Variants in RNF216 observed in about 807,000 individuals in gnomAD.
RNF216 encodes ring finger protein 216.
A neutral mutation model predicts 110.8 loss-of-function variants in RNF216; 72 were observed. The ratio of observed to expected loss-of-function variants is 0.65; its 90% CI spans 0.54 to 0.79. The LOEUF (loss-of-function observed/expected upper bound fraction) is 0.79, where lower values mean the gene tolerates loss of function less well. RNF216 is among the 30% of genes least tolerant of loss of function. RNF216 has a pLI of 0.00. For synonymous variants in RNF216, 495 were observed against 407.5 expected (o/e 1.21, Z -2.59); for missense variants, 1,342 against 1,141.2 (o/e 1.18, Z -2.54).
intron 14 of RNF216, among the ~76,000 whole-genome samples, chr7:5,648,120 T>TC (rs1788160665): frequency 6.6e-6 from 1 of 151,812 alleles, no homozygotes; most frequent in South Asian, 2.1e-4. Flanking sequence ...TTTTTTTTTT[T>TC]CTTGAGATGG....
chr7:5,628,675 CCAT>C (rs1441148697), intron 15 of RNF216, among the ~76,000 whole-genome samples: 59 of 146,636 alleles, frequency 4.0e-4, no homozygotes, highest in African/African-American at 1.4e-3. Context: ...GCGCCCACCA[CCAT>C]ATCTGACTTT....
Position 5,716,698 on chromosome 7 carries a change from G to A in RNF216, c.1695+18C>T. The A allele has an allele frequency of 1.3e-6, 2 of 1,571,604 alleles. No individual in the cohort carries two copies. The highest frequency in any genetic ancestry group is 2.7e-5 in the African/African-American group (2 of 73,736). On this transcript the variant is annotated intron_variant, in intron 10 of 16. Transcript: ENST00000389902. Reference sequence around the variant, plus strand: ...CCATGAAAATGCCCAGAATAAACAAGGTGAGATTTCAAACTACCTTTTGAT... The same window carrying A: ...CCATGAAAATGCCCAGAATAAACAAAGTGAGATTTCAAACTACCTTTTGAT...
chr7:5,732,487 A>G (rs1031181801), intron 5 of RNF216, among the ~76,000 whole-genome samples: 1 of 152,236 alleles, frequency 6.6e-6, no homozygotes, highest in African/African-American at 2.4e-5. Flanking sequence ...ATCTCTCCCC[A>G]ATTCATTTTA....
At chr7:5,719,553 G>C (rs1793283187) in intron 9 of RNF216, among the ~76,000 whole-genome samples, 1 of 152,004 alleles carries the variant, frequency 6.6e-6, no homozygotes, top group South Asian at 2.1e-4. Flanking sequence ...GTCAGAGATG[G>C]GACAATGTGA....
At chr7:5,623,592 C>T (rs536160895) in intron 16 of RNF216, among the ~76,000 whole-genome samples, 60 of 152,066 alleles carry the variant, frequency 3.9e-4, no homozygotes, top group Admixed American at 1.6e-3. Context: ...AGCCACTGCA[C>T]TTAGCCTCTT....
intron 1 of RNF216, among the ~76,000 whole-genome samples, chr7:5,773,923 G>C (rs1796637296): frequency 6.6e-6 from 1 of 152,112 alleles, no homozygotes. Context: ...ATTTTACACT[G>C]AAAATCAAAG....
rs183023556 is a variant in RNF216 at position 5,769,755 on chromosome 7, G to A, written c.-69-8617C>T. On this transcript the variant is annotated intron_variant, in intron 1 of 16. Transcript: ENST00000389902. ...AAAAAAAGAAAAAAGACTGAAAATC[G>A]GCCAGGCGTGGTGACTCACGCCTAT... Among the ~76,000 whole-genome samples the A allele has an allele frequency of 8.6e-5, 13 of 151,508 alleles. No individual in the cohort carries two copies. The East Asian group carries it at 2.3e-3, about 27-fold the overall frequency.
intron 15 of RNF216, among the ~76,000 whole-genome samples, chr7:5,635,084 A>C (rs1787316466): frequency 6.6e-6 from 1 of 152,012 alleles, no homozygotes; most frequent in Non-Finnish European, 1.5e-5. Context: ...TGGTCTCACC[A>C]AGCTAGGGAT....
chr7:5,733,161 T>C (rs1045018716), intron 5 of RNF216: 1 of 152,216 alleles, frequency 6.6e-6, no homozygotes, highest in Admixed American at 6.5e-5. Context: ...GTTAACACTG[T>C]CCTAGGAGTC....
intron 13 of RNF216, among the ~76,000 whole-genome samples, chr7:5,667,044 G>C (rs796297566): frequency 1.3e-5 from 2 of 152,096 alleles, no homozygotes; most frequent in Non-Finnish European, 1.5e-5. Context: ...TGGGCTCAAA[G>C]GATGCACCCG....
intron 11 of RNF216, 122 bp downstream of exon 11, chr7:5,714,931 T>A: frequency 2.4e-6 from 2 of 831,332 alleles, no homozygotes; most frequent in Non-Finnish European, 3.7e-6. Context: ...AATGTACACA[T>A]AAGCATACCA....
At chr7:5,681,819 G>T (rs573282122) in intron 13 of RNF216, among the ~76,000 whole-genome samples, 1 of 152,298 alleles carries the variant, frequency 6.6e-6, no homozygotes, top group East Asian at 1.9e-4. Flanking sequence ...ACATAAACGG[G>T]AAACACCCAG....
intron 8 of RNF216, among the ~76,000 whole-genome samples, chr7:5,721,560 C>G (rs3757479): frequency 0.47 from 71,268 of 152,042 alleles, 17,311 homozygotes; most frequent in Admixed American, 0.53. Flanking sequence ...AATTTACCTG[C>G]GAATTGCTAG....
At chr7:5,746,130 C>T (rs1482086017) in intron 3 of RNF216, among the ~76,000 whole-genome samples, 2 of 152,164 alleles carry the variant, frequency 1.3e-5, no homozygotes, top group African/African-American at 4.8e-5. Flanking sequence ...ACGTTTTCCT[C>T]ATGGAGCTGC....
intron 1 of RNF216, among the ~76,000 whole-genome samples, chr7:5,766,219 G>A (rs966619987): frequency 6.6e-6 from 1 of 152,128 alleles, no homozygotes; most frequent in Non-Finnish European, 1.5e-5. Context: ...GAACCCAGGA[G>A]TTTGATGTTG....
chr7:5,655,151 C>G (rs897155853), intron 13 of RNF216, among the ~76,000 whole-genome samples: 5 of 152,200 alleles, frequency 3.3e-5, no homozygotes, highest in Non-Finnish European at 7.3e-5. Flanking sequence ...AGGCACAGGC[C>G]CACCAGGGCA....
At chr7:5,686,413 G>A (rs1244567917) in intron 13 of RNF216, among the ~76,000 whole-genome samples, 1 of 152,070 alleles carries the variant, frequency 6.6e-6, no homozygotes, top group African/African-American at 2.4e-5. Flanking sequence ...CCATTTCTCT[G>A]ATGAGGAAAG....
At chr7:5,753,279 T>G (rs1226467933) in intron 2 of RNF216, among the ~76,000 whole-genome samples, 1 of 152,224 alleles carries the variant, frequency 6.6e-6, no homozygotes, top group African/African-American at 2.4e-5. Flanking sequence ...TGCCAATTTC[T>G]TTAAAGTGAA....
At position 5,759,355 on chromosome 7, in the gene RNF216, C is replaced by T. The variant is rs191097961; in HGVS notation, c.67+1648G>A. Among the ~76,000 whole-genome samples, 427 of 152,312 alleles carry T rather than the reference C, an allele frequency of 2.8e-3. 1 individual carries two copies. The highest frequency in any genetic ancestry group is 4.8e-3 in the Non-Finnish European group (327 of 68,026). On this transcript the variant is annotated intron_variant, in intron 2 of 16. Coordinates refer to ENST00000389902, the MANE Select transcript of RNF216 (RefSeq NM_207111.4). ...CGAACTAATACAATGACCAACCCCT[C>T]TTCTTCCTCCTCCTCTTCAGCCTAC... is the stretch of plus-strand genomic sequence containing the variant.
Sources: allele counts gnomAD v4.1 joint callset (sites outside exome capture counted in the v4.1 genomes callset), GRCh38; gene constraint gnomAD v4.1.1; transcripts MANE v1.5; gene names NCBI Gene and HGNC (gene_info 2026-07-23, HGNC 2026-07-21).